The following GSE1 variants were observed in gnomAD, a reference collection of about 807,000 sequenced individuals.
The protein encoded by GSE1 is Gse1 coiled-coil protein.
A neutral mutation model predicts 112.6 loss-of-function variants in GSE1; 32 were observed. That is an observed-to-expected ratio of 0.28 (90% CI 0.21 to 0.38). The LOEUF (loss-of-function observed/expected upper bound fraction) is 0.38, where lower values mean the gene tolerates loss of function less well. GSE1 is among the 10% of genes least tolerant of loss of function. The pLI is 1.00. For synonymous variants in GSE1, 1,115 were observed against 735.6 expected (o/e 1.52, Z -8.35); for missense variants, 2,348 against 1,699.2 (o/e 1.38, Z -6.71).
intron 2 of GSE1, among the ~76,000 whole-genome samples, chr16:85,535,471 C>T (rs2044293286): frequency 6.6e-6 from 1 of 152,226 alleles, no homozygotes; most frequent in South Asian, 2.1e-4. Context: ...GCCTGTGTGA[C>T]CCGGGAGCTT....
intron 1 of GSE1, among the ~76,000 whole-genome samples, chr16:85,199,765 C>A (rs1040495308): frequency 1.3e-5 from 2 of 152,122 alleles, no homozygotes; most frequent in Non-Finnish European, 2.9e-5. Flanking sequence ...CCCACTCAGC[C>A]ACACAGCAGG....
chr16:85,439,534 TCA>T (rs66487058), intron 2 of GSE1, among the ~76,000 whole-genome samples: 56,426 of 149,490 alleles, frequency 0.38, 12,235 homozygotes, highest in Non-Finnish European at 0.49. Context: ...ACACGGTCTG[TCA>T]CACACACACA....
intron 2 of GSE1, among the ~76,000 whole-genome samples, chr16:85,467,506 C>T (rs574099762): frequency 1.8e-4 from 27 of 152,190 alleles, no homozygotes; most frequent in South Asian, 1.0e-3. Context: ...AGCATCTTGC[C>T]GATTCCCTAC....
intron 1 of GSE1, among the ~76,000 whole-genome samples, chr16:85,630,129 T>C (rs1183057496): frequency 6.6e-6 from 1 of 152,156 alleles, no homozygotes; most frequent in African/African-American, 2.4e-5. Context: ...TGTGGGTTTC[T>C]CCATGACCTG....
At chr16:85,589,079 C>G in intron 1 of GSE1, among the ~76,000 whole-genome samples, 1 of 152,174 alleles carries the variant, frequency 6.6e-6, no homozygotes, top group Non-Finnish European at 1.5e-5. Flanking sequence ...CCTCCCCTTC[C>G]CGGGATCCCC....
At chr16:85,640,171 G>A (rs748109204) in intron 2 of GSE1, among the ~76,000 whole-genome samples, 5 of 152,162 alleles carry the variant, frequency 3.3e-5, no homozygotes, top group African/African-American at 4.8e-5. Flanking sequence ...GGGCGCACAA[G>A]AGTCTGAGCC....
At chr16:85,656,272 T>C (rs1482048291) in intron 6 of GSE1, 71 bp from the exon 7 acceptor site, 2 of 1,567,386 alleles carry the variant, frequency 1.3e-6, no homozygotes, top group Non-Finnish European at 1.7e-6. Flanking sequence ...TTATGCTTTT[T>C]AAGGGCCTGC....
At chr16:85,188,807 A>T (rs1267263876) in intron 1 of GSE1, among the ~76,000 whole-genome samples, 1 of 71,834 alleles carries the variant, frequency 1.4e-5, no homozygotes, top group African/African-American at 5.1e-5. Flanking sequence ...TCTCTATCTT[A>T]AAAAAAAAAA....
chr16:85,476,029 A>G (rs931894923), intron 2 of GSE1, among the ~76,000 whole-genome samples: 1 of 152,154 alleles, frequency 6.6e-6, no homozygotes, highest in African/African-American at 2.4e-5. Context: ...CTCCCAGGCT[A>G]AGATGATTCT....
intron 1 of GSE1, among the ~76,000 whole-genome samples, chr16:85,212,945 T>C (rs889322188): frequency 1.3e-5 from 2 of 152,170 alleles, no homozygotes; most frequent in Middle Eastern, 3.4e-3. Context: ...CTGGGCAACA[T>C]GGCAAGACCC....
intron 2 of GSE1, among the ~76,000 whole-genome samples, chr16:85,453,871 C>T (rs1475011553): frequency 1.3e-5 from 2 of 152,190 alleles, no homozygotes; most frequent in African/African-American, 4.8e-5. Context: ...TCAGCTGAGG[C>T]ATGCAGAGAG....
At chr16:85,377,865 C>G (rs1255208564) in intron 2 of GSE1, among the ~76,000 whole-genome samples, 1 of 152,216 alleles carries the variant, frequency 6.6e-6, no homozygotes, top group Non-Finnish European at 1.5e-5. Context: ...GGCCCCCAAT[C>G]CTCGTCCACA....
chr16:85,340,283 G>A (rs1479639328), intron 1 of GSE1, among the ~76,000 whole-genome samples: 7 of 152,142 alleles, frequency 4.6e-5, no homozygotes, highest in South Asian at 2.1e-4. Context: ...CCACCAGTTC[G>A]AGGCTGCAGT....
intron 1 of GSE1, among the ~76,000 whole-genome samples, chr16:85,216,001 G>A (rs2075301655): frequency 6.6e-6 from 1 of 152,186 alleles, no homozygotes; most frequent in South Asian, 2.1e-4. Flanking sequence ...CTTGACACGT[G>A]TTCCCTTCAG....
intron 1 of GSE1, among the ~76,000 whole-genome samples, chr16:85,617,025 C>T (rs1035433582): frequency 6.6e-6 from 1 of 152,226 alleles, no homozygotes; most frequent in South Asian, 2.1e-4. Flanking sequence ...ACGCCCTCAG[C>T]TCCAGCCAGA....
At chr16:85,590,927 A>C (rs1418431652) in intron 1 of GSE1, among the ~76,000 whole-genome samples, 1 of 151,490 alleles carries the variant, frequency 6.6e-6, no homozygotes, top group Non-Finnish European at 1.5e-5. Flanking sequence ...CTCGGTGCTG[A>C]CATGCGGTGG....
chr16:85,652,833 T>C (rs1478871817), intron 3 of GSE1, among the ~76,000 whole-genome samples: 1 of 152,114 alleles, frequency 6.6e-6, no homozygotes, highest in African/African-American at 2.4e-5. Context: ...GAGACGGCCA[T>C]GGCCTCCTTG....
chr16:85,628,206 C>G (rs1054121420), intron 1 of GSE1, among the ~76,000 whole-genome samples: 2 of 152,258 alleles, frequency 1.3e-5, no homozygotes, highest in Non-Finnish European at 2.9e-5. Context: ...TACTGAGGAG[C>G]AGCGCTAATT....
chr16:85,625,439 C>T (rs1408330353), intron 1 of GSE1, among the ~76,000 whole-genome samples: 3 of 152,178 alleles, frequency 2.0e-5, no homozygotes, highest in Non-Finnish European at 4.4e-5. Flanking sequence ...TGTGCAGAGC[C>T]CCCCTGCTGT....
Sources: gnomAD v4.1 joint callset for allele counts (sites outside exome capture counted in the v4.1 genomes callset) on GRCh38, gnomAD v4.1.1 for gene constraint, MANE v1.5 for transcripts, NCBI Gene and HGNC (gene_info 2026-07-23, HGNC 2026-07-21) for gene names.